The following NTNG1 variants were observed in gnomAD, a reference collection of about 807,000 sequenced individuals.
NTNG1 encodes the protein netrin G1.
A neutral mutation model predicts 54.0 loss-of-function variants in NTNG1; 16 were observed. The observed-to-expected ratio is 0.30, with a 90% CI of 0.20 to 0.45. The LOEUF is 0.45. Ranked by LOEUF, NTNG1 falls within the 20% of genes least tolerant of loss-of-function variation. The pLI is 1.00. For missense variants in NTNG1, 530 were observed against 678.7 expected, an observed-to-expected ratio of 0.78 and a Z score of 2.43; for synonymous variants, 255 against 263.1, an observed-to-expected ratio of 0.97 and a Z score of 0.30.
chr1:107,475,844 G>T (rs2101601151), intron 7 of NTNG1, among the ~76,000 whole-genome samples: 1 of 152,282 alleles, frequency 6.6e-6, no homozygotes. Flanking sequence ...TCAGTGGCCA[G>T]TAGTGTGCCC....
chr1:107,381,877 G>A (rs1241833392), intron 3 of NTNG1, among the ~76,000 whole-genome samples: 2 of 152,128 alleles, frequency 1.3e-5, no homozygotes, highest in Non-Finnish European at 2.9e-5. Flanking sequence ...TCCATGTCAT[G>A]GCCAAAATGA....
chr1:107,291,733 GTTATA>G (rs1286234375), intron 2 of NTNG1, among the ~76,000 whole-genome samples: 1 of 152,118 alleles, frequency 6.6e-6, no homozygotes, highest in Admixed American at 6.6e-5. Flanking sequence ...CAAGTGAATA[GTTATA>G]TTTAGTTGGA....
intron 2 of NTNG1, among the ~76,000 whole-genome samples, chr1:107,183,247 C>T (rs988196758): frequency 6.6e-6 from 1 of 152,114 alleles, no homozygotes; most frequent in Admixed American, 6.6e-5. Flanking sequence ...TACTTCTCTT[C>T]TTTATGGCTG....
At chr1:107,195,806 G>A (rs12116928) in intron 2 of NTNG1, among the ~76,000 whole-genome samples, 23,945 of 151,886 alleles carry the variant, frequency 0.16, 4,314 homozygotes, top group African/African-American at 0.44. Flanking sequence ...GTTTATATCA[G>A]TTCTGACTCA....
intron 2 of NTNG1, among the ~76,000 whole-genome samples, chr1:107,199,671 A>C (rs1160222570): frequency 1.3e-5 from 2 of 151,910 alleles, no homozygotes; most frequent in African/African-American, 4.8e-5. Flanking sequence ...TGATTTATTC[A>C]TCAGAAAATG....
intron 3 of NTNG1, among the ~76,000 whole-genome samples, chr1:107,386,739 G>A (rs974669833): frequency 2.6e-5 from 4 of 152,018 alleles, no homozygotes; most frequent in Non-Finnish European, 4.4e-5. Context: ...CAGTTCTCTT[G>A]GATAAATACC....
At chr1:107,311,175 A>AATT (rs748668243) in intron 2 of NTNG1, among the ~76,000 whole-genome samples, 2 of 152,268 alleles carry the variant, frequency 1.3e-5, no homozygotes, top group Non-Finnish European at 2.9e-5. Flanking sequence ...GACCATTGTA[A>AATT]ATTTACAACC....
At chr1:107,151,353 T>C (rs565423561) in intron 2 of NTNG1, among the ~76,000 whole-genome samples, 6 of 152,130 alleles carry the variant, frequency 3.9e-5, no homozygotes, top group Non-Finnish European at 8.8e-5. Context: ...CCTGTTTAGG[T>C]ACTCCTTAGC....
At chr1:107,411,052 C>A (rs1340394897) in intron 5 of NTNG1, among the ~76,000 whole-genome samples, 1 of 152,006 alleles carries the variant, frequency 6.6e-6, no homozygotes, top group African/African-American at 2.4e-5. Context: ...TTAAATAACA[C>A]AAACAAAAGA....
At chr1:107,254,907 A>C (rs1458169142) in intron 2 of NTNG1, among the ~76,000 whole-genome samples, 1 of 152,228 alleles carries the variant, frequency 6.6e-6, no homozygotes, top group Non-Finnish European at 1.5e-5. Flanking sequence ...CCTGCCAAAA[A>C]TACTGTACCT....
At chr1:107,387,857 G>A (rs1048757799) in intron 3 of NTNG1, among the ~76,000 whole-genome samples, 52 of 152,298 alleles carry the variant, frequency 3.4e-4, no homozygotes, top group African/African-American at 1.2e-3. Context: ...GAAGGGCCTT[G>A]GTAATTGTTG....
At chr1:107,174,659 T>G (rs1275377127) in intron 2 of NTNG1, among the ~76,000 whole-genome samples, 1 of 152,082 alleles carries the variant, frequency 6.6e-6, no homozygotes, top group Non-Finnish European at 1.5e-5. Context: ...AGGATCTCAT[T>G]CCCAGCTCCA....
chr1:107,384,966 T>C (rs1256095207), intron 3 of NTNG1, among the ~76,000 whole-genome samples: 1 of 152,242 alleles, frequency 6.6e-6, no homozygotes, highest in Admixed American at 6.5e-5. Context: ...TGGGTTTTTA[T>C]TAATAAAGAA....
intron 2 of NTNG1, among the ~76,000 whole-genome samples, chr1:107,212,941 C>T (rs1659691238): frequency 6.6e-6 from 1 of 151,970 alleles, no homozygotes; most frequent in Non-Finnish European, 1.5e-5. Context: ...AAGTAATTCT[C>T]ACTGGGAACA....
intron 7 of NTNG1, among the ~76,000 whole-genome samples, chr1:107,473,920 A>G (rs537666768): frequency 1.1e-4 from 17 of 152,312 alleles, no homozygotes; most frequent in African/African-American, 4.1e-4. Context: ...AAATTCCACA[A>G]ATTATCTTGG....
At chr1:107,352,893 C>A (rs1669710306) in intron 3 of NTNG1, among the ~76,000 whole-genome samples, 1 of 152,190 alleles carries the variant, frequency 6.6e-6, no homozygotes, top group African/African-American at 2.4e-5. Context: ...AGGTGGGCCC[C>A]TTTGAGCCAC....
At chr1:107,272,323 G>A (rs987580740) in intron 2 of NTNG1, among the ~76,000 whole-genome samples, 9 of 150,988 alleles carry the variant, frequency 6.0e-5, no homozygotes, top group African/African-American at 1.2e-4. Flanking sequence ...GCTTTTTTTC[G>A]GGAACACAGA....
chr1:107,298,815 T>C (rs769956581), intron 2 of NTNG1, among the ~76,000 whole-genome samples: 1 of 152,096 alleles, frequency 6.6e-6, no homozygotes, highest in Non-Finnish European at 1.5e-5. Flanking sequence ...TTCAGCATGA[T>C]TGGAGAAAGG....
At chr1:107,443,168 C>T (rs1488036469) in intron 7 of NTNG1, among the ~76,000 whole-genome samples, 3 of 152,020 alleles carry the variant, frequency 2.0e-5, no homozygotes, top group Admixed American at 1.3e-4. Flanking sequence ...GTGAAGTTGC[C>T]CACCTCAGTT....
Sources: gnomAD v4.1 joint callset for allele counts (sites outside exome capture counted in the v4.1 genomes callset) on GRCh38, gnomAD v4.1.1 for gene constraint, MANE v1.5 for transcripts, NCBI Gene and HGNC (gene_info 2026-07-23, HGNC 2026-07-21) for gene names.